RFX8: variants seen among roughly 807,000 people sequenced by gnomAD.
RFX8 encodes the protein regulatory factor X8, also known as DNA-binding protein RFX8.
In RFX8, 46 loss-of-function variants were observed where a neutral mutation model predicts 54.6. That is an observed-to-expected ratio of 0.84 (90% CI 0.67 to 1.08). The LOEUF is 1.08. RFX8 is among the 50% of genes least tolerant of loss of function. RFX8 has a pLI of 0.00. For synonymous variants in RFX8, 192 were observed against 209.5 expected, an observed-to-expected ratio of 0.92 and a Z score of 0.72; for missense variants, 536 against 562.3, an observed-to-expected ratio of 0.95 and a Z score of 0.47.
intron 2 of RFX8, among the ~76,000 whole-genome samples, chr2:101,466,466 C>T (rs1689579132): frequency 6.6e-6 from 1 of 152,206 alleles, no homozygotes; most frequent in Non-Finnish European, 1.5e-5. Flanking sequence ...CTTGGCACTT[C>T]TATGCAGGGA....
chr2:101,467,736 G>A (rs990671808), intron 1 of RFX8, among the ~76,000 whole-genome samples: 8 of 152,042 alleles, frequency 5.3e-5, no homozygotes, highest in African/African-American at 1.9e-4. Flanking sequence ...GGCCCCTGGG[G>A]ACAGCCAGGC....
chr2:101,439,479 A>C (rs941305628), intron 2 of RFX8, among the ~76,000 whole-genome samples: 2 of 152,140 alleles, frequency 1.3e-5, no homozygotes, highest in African/African-American at 4.8e-5. Context: ...GATTTTGTCC[A>C]AGGTTTTTAA....
At chr2:101,442,529 T>G (rs1688153404) in intron 2 of RFX8, among the ~76,000 whole-genome samples, 1 of 152,142 alleles carries the variant, frequency 6.6e-6, no homozygotes, top group Admixed American at 6.5e-5. Context: ...TTGACAGTTC[T>G]TATCTCAGCC....
chr2:101,416,133 G>T (rs1441491025), intron 6 of RFX8, among the ~76,000 whole-genome samples: 6 of 151,450 alleles, frequency 4.0e-5, no homozygotes, highest in South Asian at 2.1e-4. Context: ...GCCAGGGAAG[G>T]TTGGTAATTG....
intron 2 of RFX8, among the ~76,000 whole-genome samples, chr2:101,428,415 G>C (rs955794554): frequency 2.0e-5 from 3 of 152,198 alleles, no homozygotes; most frequent in African/African-American, 4.8e-5. Flanking sequence ...ACCTGAAAGA[G>C]GGCCCTCCGG....
At chr2:101,459,954 C>T (rs1689178308) in intron 2 of RFX8, among the ~76,000 whole-genome samples, 1 of 152,140 alleles carries the variant, frequency 6.6e-6, no homozygotes, top group Non-Finnish European at 1.5e-5. Context: ...CGATGCCCCG[C>T]CCCACCCCCC....
chr2:101,459,898 G>A (rs554303119), intron 2 of RFX8, among the ~76,000 whole-genome samples: 1 of 152,232 alleles, frequency 6.6e-6, no homozygotes, highest in Non-Finnish European at 1.5e-5. Context: ...CATCCAGTTC[G>A]AGCTTCCCAG....
Position 101,424,256 on chromosome 2 carries a change from C to T in RFX8, c.73-1784G>A, listed in dbSNP as rs1687042505. ...TCTTGACATTTATGCAGCCAACAGA[C>T]ACATGAAAAAATGCTCATCATCACT... On this transcript the variant is annotated intron_variant, in intron 2 of 11. Coordinates refer to ENST00000428343, the MANE Select transcript of RFX8 (RefSeq NM_001145664.2). 2.0e-5 allele frequency among the ~76,000 whole-genome samples: 3 copies of T among 152,110 alleles called. No individual in the cohort carries two copies. The South Asian group carries it at 6.2e-4, about 32-fold the overall frequency.
chr2:101,408,200 G>A (rs1411742264), intron 9 of RFX8, among the ~76,000 whole-genome samples: 3 of 152,122 alleles, frequency 2.0e-5, no homozygotes, highest in Non-Finnish European at 2.9e-5. Flanking sequence ...TAAAGCTGGA[G>A]GCTGGCCGGG....
intron 2 of RFX8, among the ~76,000 whole-genome samples, chr2:101,440,082 T>A (rs1688010329): frequency 6.8e-6 from 1 of 146,418 alleles, no homozygotes; most frequent in Non-Finnish European, 1.5e-5. Context: ...CTTGTCTATG[T>A]CTACAAGAAA....
chr2:101,473,951 G>T (rs1690150126), intron 1 of RFX8, among the ~76,000 whole-genome samples: 1 of 152,220 alleles, frequency 6.6e-6, no homozygotes, highest in Non-Finnish European at 1.5e-5. Context: ...CGCGGGAAGG[G>T]TGACAACGGG....
intron 2 of RFX8, among the ~76,000 whole-genome samples, chr2:101,462,133 G>C (rs1241544199): frequency 6.6e-6 from 1 of 152,084 alleles, no homozygotes; most frequent in Non-Finnish European, 1.5e-5. Context: ...TTCCAATAAG[G>C]GATATGGTTA....
At chr2:101,423,949 C>A (rs1687017847) in intron 2 of RFX8, among the ~76,000 whole-genome samples, 1 of 152,320 alleles carries the variant, frequency 6.6e-6, no homozygotes, top group African/African-American at 2.4e-5. Flanking sequence ...CTTCATAACT[C>A]TGTTGTGATT....
intron 2 of RFX8, among the ~76,000 whole-genome samples, chr2:101,443,038 C>T (rs1388109379): frequency 6.6e-6 from 1 of 152,136 alleles, no homozygotes; most frequent in Non-Finnish European, 1.5e-5. Flanking sequence ...CTATTAACCA[C>T]CCCCAAAATT....
chr2:101,397,482 T>G lies in RFX8; in HGVS notation c.*66A>C. ...TCATCTTTCGTCAATAGAAAAACTT[T>G]AGTATTTAATATTTTTAAGAATGCA... On this transcript the variant is annotated 3_prime_UTR_variant, in exon 12 of 12. Transcript: ENST00000428343. 9.3e-7 allele frequency: 1 copy of G among 1,075,440 alleles called. No individual in the cohort carries two copies. The highest frequency in any genetic ancestry group is 1.3e-6 in the Non-Finnish European group (1 of 766,000). The allele number at this position is 1,075,440 out of a possible 1,614,324, so 66.6% of individuals were successfully genotyped here. A position where few individuals can be genotyped will look rare whatever the true frequency, so the allele number is the denominator to read the frequency against.
chr2:101,403,446 A>G (rs56403979), intron 10 of RFX8, among the ~76,000 whole-genome samples: 1,600 of 152,356 alleles, frequency 0.011, 17 homozygotes, highest in Non-Finnish European at 0.017. Flanking sequence ...TTGTTAAAAG[A>G]TAAGTTTTAA....
intron 2 of RFX8, among the ~76,000 whole-genome samples, chr2:101,455,399 G>A (rs974368342): frequency 1.3e-5 from 2 of 152,132 alleles, no homozygotes; most frequent in African/African-American, 4.8e-5. Context: ...TGTATAAGGT[G>A]TAAGGAAGGG....
chr2:101,400,531 C>T (rs148107752), intron 11 of RFX8, among the ~76,000 whole-genome samples: 20 of 152,322 alleles, frequency 1.3e-4, no homozygotes, highest in African/African-American at 4.8e-4. Flanking sequence ...GCACCCGCCA[C>T]CCTGTCCCTT....
chr2:101,469,020 A>G lies in RFX8; in HGVS notation c.-52-2120T>C, dbSNP rs551847197. ...TATATATACGTATATATATATAGGT[A>G]TATATATATACGTATATATATGTAT... is the stretch of plus-strand genomic sequence containing the variant. On this transcript the variant is annotated intron_variant, in intron 1 of 11. Transcript: ENST00000428343. Among the ~76,000 whole-genome samples, 7 of 100,738 alleles carry G rather than the reference A, an allele frequency of 6.9e-5. No homozygotes were observed. The South Asian group carries it at 1.9e-3, about 27-fold the overall frequency. 66.1% of individuals were successfully genotyped at this position (100,738 alleles called of 152,430 possible). A position where few individuals can be genotyped will look rare whatever the true frequency, so the allele number is the denominator to read the frequency against.
Sources: gnomAD v4.1 joint callset for allele counts (sites outside exome capture counted in the v4.1 genomes callset) on GRCh38, gnomAD v4.1.1 for gene constraint, MANE v1.5 for transcripts, NCBI Gene and HGNC (gene_info 2026-07-23, HGNC 2026-07-21) for gene names.